The following CELF2 variants were observed in gnomAD, a reference collection of about 807,000 sequenced individuals.
CELF2 encodes the protein CUGBP Elav-like family member 2.
CELF2 carries 8 observed loss-of-function variants against 62.6 expected under a neutral mutation model. The ratio of observed to expected loss-of-function variants is 0.13; its 90% CI spans 0.07 to 0.23. The LOEUF is 0.23. Among genes scored for constraint, CELF2 ranks in the 10% least tolerant of loss-of-function variants. CELF2 has a pLI of 1.00. For synonymous variants in CELF2, 258 were observed against 250.0 expected, an observed-to-expected ratio of 1.03 and a Z score of -0.30; for missense variants, 333 against 671.0, an observed-to-expected ratio of 0.50 and a Z score of 5.56.
chr10:10,900,700 C>T (rs1290696820), intron 1 of CELF2, among the ~76,000 whole-genome samples: 1 of 152,088 alleles, frequency 6.6e-6, no homozygotes. Context: ...CATTCTATTG[C>T]AGGTTGTAGC....
intron 2 of CELF2, among the ~76,000 whole-genome samples, chr10:10,941,991 CAAAAA>C (rs3029016): frequency 2.6e-5 from 3 of 113,282 alleles, no homozygotes; most frequent in African/African-American, 6.6e-5. Flanking sequence ...GACTCTGTCT[CAAAAA>C]AAAAAAAAAA....
At chr10:10,661,658 G>T in the CELF2 span, among the ~76,000 whole-genome samples, 1 of 152,172 alleles carries the variant, frequency 6.6e-6, no homozygotes, top group African/African-American at 2.4e-5. Context: ...TAACTGTACT[G>T]TGAAAGTTAG....
chr10:11,198,963 G>A (rs1469012607), intron 2 of CELF2, among the ~76,000 whole-genome samples: 1 of 152,154 alleles, frequency 6.6e-6, no homozygotes, highest in South Asian at 2.1e-4. Context: ...AGTTAATAGG[G>A]AAAACATAAA....
chr10:11,063,160 C>T (rs1039803663), intron 1 of CELF2, among the ~76,000 whole-genome samples: 3 of 152,112 alleles, frequency 2.0e-5, no homozygotes, highest in African/African-American at 7.2e-5. Context: ...ACTGGGAAAC[C>T]AAAAAATTCA....
the CELF2 span, among the ~76,000 whole-genome samples, chr10:10,561,642 CACCACTGAGAAG>C: frequency 7.9e-5 from 12 of 152,150 alleles, no homozygotes; most frequent in Admixed American, 2.6e-4. Flanking sequence ...ATGGGGACAA[CACCACTGAGAAG>C]GTGGCATTAT....
chr10:10,518,709 A>C, the CELF2 span, among the ~76,000 whole-genome samples: 4 of 139,542 alleles, frequency 2.9e-5, no homozygotes, highest in Non-Finnish European at 6.2e-5. Flanking sequence ...ATAACATACC[A>C]CAAAATGATT....
the CELF2 span, among the ~76,000 whole-genome samples, chr10:10,708,272 T>C: frequency 1.8e-3 from 275 of 152,240 alleles, no homozygotes; most frequent in African/African-American, 6.4e-3. Flanking sequence ...CAGAAGACAC[T>C]CTGGAATGCT....
chr10:10,796,479 T>C (rs960797138), upstream of CELF2, among the ~76,000 whole-genome samples: 1 of 152,154 alleles, frequency 6.6e-6, no homozygotes, highest in Admixed American at 6.5e-5. Context: ...CAAAAATGGG[T>C]TTGTCCTTTT....
At chr10:10,797,437 G>A (rs1297531259), upstream of CELF2, among the ~76,000 whole-genome samples, 1 of 151,602 alleles carries the variant, frequency 6.6e-6, no homozygotes, top group African/African-American at 2.4e-5. Context: ...GCTGGTCTCA[G>A]TGTCTGGGCA....
At chr10:10,869,170 A>G (rs2060568805) in intron 1 of CELF2, among the ~76,000 whole-genome samples, 2 of 152,200 alleles carry the variant, frequency 1.3e-5, no homozygotes, top group Non-Finnish European at 2.9e-5. Flanking sequence ...GTCTAAAAAA[A>G]AGTCTTGAGT....
chr10:10,631,528 A>C, the CELF2 span, among the ~76,000 whole-genome samples: 7 of 152,216 alleles, frequency 4.6e-5, no homozygotes, highest in Non-Finnish European at 8.8e-5. Flanking sequence ...TTGAGAAATG[A>C]CTTAAAACTT....
chr10:10,495,420 G>A, the CELF2 span, among the ~76,000 whole-genome samples: 1 of 152,166 alleles, frequency 6.6e-6, no homozygotes, highest in Admixed American at 6.5e-5. Context: ...GGCTGTTTGG[G>A]TGTTTCCACC....
At chr10:11,235,365 G>A (rs17149900) in intron 3 of CELF2, among the ~76,000 whole-genome samples, 2,368 of 152,182 alleles carry the variant, frequency 0.016, 65 homozygotes, top group African/African-American at 0.054. Context: ...GTTTACCTTT[G>A]CCATTTCAAT....
the CELF2 span, among the ~76,000 whole-genome samples, chr10:10,465,785 C>A: frequency 6.6e-6 from 1 of 152,134 alleles, no homozygotes; most frequent in South Asian, 2.1e-4. Flanking sequence ...ATGGTTATGG[C>A]GGGCTTGTCC....
intron 1 of CELF2, among the ~76,000 whole-genome samples, chr10:11,119,769 C>T (rs1376340965): frequency 6.6e-6 from 1 of 151,534 alleles, no homozygotes; most frequent in Admixed American, 6.6e-5. Context: ...CTATAATGAT[C>T]AAGGGAGTGG....
At chr10:11,273,288 G>A (rs1035329599) in intron 7 of CELF2, among the ~76,000 whole-genome samples, 1 of 152,032 alleles carries the variant, frequency 6.6e-6, no homozygotes, top group African/African-American at 2.4e-5. Flanking sequence ...AGCGGCAGGC[G>A]AGAGAGCGTT....
the CELF2 span, among the ~76,000 whole-genome samples, chr10:10,527,917 C>T: frequency 1.3e-5 from 2 of 152,204 alleles, no homozygotes; most frequent in African/African-American, 4.8e-5. Context: ...GATTCATTGA[C>T]ATTTACACAG....
the CELF2 span, among the ~76,000 whole-genome samples, chr10:10,462,859 T>A: frequency 6.6e-6 from 1 of 152,062 alleles, no homozygotes; most frequent in Non-Finnish European, 1.5e-5. Context: ...GGGCTAAGAT[T>A]GTCGCACTAT....
Position 11,328,969 on chromosome 10 carries a change from C to G in CELF2, c.1482C>G (p.Ile494Met), listed in dbSNP as rs1399325933. 6.2e-7 allele frequency: 1 copy of G among 1,613,514 alleles called. No individual in the cohort carries two copies. The highest frequency in any genetic ancestry group is 8.5e-7 in the Non-Finnish European group (1 of 1,179,672). The change falls in exon 13 of 13, where the codon ATC (isoleucine) becomes ATG (methionine). Residue 494 changes from isoleucine to methionine, a missense_variant. Around this residue, in one of 3 missense-constraint regions of CELF2, gnomAD observed 35 missense variants for 128.1 expected, o/e 0.27. Coordinates refer to ENST00000633077, the MANE Select transcript of CELF2 (RefSeq NM_001326342.2). This position sits in a 1 kb window ranked among gnomAD's most constrained non-coding sequence, Gnocchi z 6.4. ...YDNPVSAQAA[I>M]QAMNGFQIGM... is the part of the protein sequence containing the mutation. ...ATCCAGTCTCTGCACAAGCTGCTATCCAAGCTATGAATGGCTTTCAGATCG... is the reference window on the plus strand; with the variant it reads ...ATCCAGTCTCTGCACAAGCTGCTATGCAAGCTATGAATGGCTTTCAGATCG...
Sources: gnomAD v4.1 joint callset for allele counts (sites outside exome capture counted in the v4.1 genomes callset) on GRCh38, gnomAD v4.1.1 for gene constraint, gnomAD v4.1.1 regional missense constraint, Gnocchi (gnomAD v3.1) non-coding constraint, MANE v1.5 for transcripts, NCBI Gene and HGNC (gene_info 2026-07-23, HGNC 2026-07-21) for gene names.